The following ASIC2 variants were observed in gnomAD, a reference collection of about 807,000 sequenced individuals.
The protein encoded by ASIC2 is acid sensing ion channel subunit 2.
A neutral mutation model predicts 57.3 loss-of-function variants in ASIC2; 25 were observed. The ratio of observed to expected loss-of-function variants is 0.44; its 90% CI spans 0.32 to 0.61. ASIC2 has a LOEUF of 0.61. Ranked by LOEUF, ASIC2 falls within the 20% of genes least tolerant of loss-of-function variation. The pLI, the probability that ASIC2 is intolerant of heterozygous loss-of-function variation, is 0.06. For missense variants in ASIC2, 641 were observed against 738.1 expected, an observed-to-expected ratio of 0.87 and a Z score of 1.52; for synonymous variants, 319 against 307.5, an observed-to-expected ratio of 1.04 and a Z score of -0.39.
chr17:33,334,669 G>A (rs1245193945), intron 1 of ASIC2, among the ~76,000 whole-genome samples: 1 of 152,212 alleles, frequency 6.6e-6, no homozygotes, highest in African/African-American at 2.4e-5. Context: ...CAATTGGTCA[G>A]GGTTATTTAG....
At chr17:33,081,662 C>A (rs1328047391) in intron 3 of ASIC2, among the ~76,000 whole-genome samples, 1 of 152,104 alleles carries the variant, frequency 6.6e-6, no homozygotes, top group Non-Finnish European at 1.5e-5. Flanking sequence ...AATGAGTCTT[C>A]CCTTTTGAAA....
rs1488551237 is a variant in ASIC2 at position 33,111,997 on chromosome 17, A to G, written c.779T>C (p.Val260Ala). 6.2e-7 allele frequency: 1 copy of G among 1,613,884 alleles called. No individual in the cohort carries two copies. The highest frequency in any genetic ancestry group is 1.1e-5 in the South Asian group (1 of 91,046). ...CAGCCCGTTGCCTGTCCCCCCCTTG[A>G]CCGTGGTGAGCAGAGGTTTGCCATC... ...GEDGKPLLTTVKGGTGNGLEI... is the reference protein window; with the variant it reads ...GEDGKPLLTTAKGGTGNGLEI... Residue 260 changes from valine to alanine, a missense_variant, in exon 2 of 10, where the codon GTC (valine) becomes GCC (alanine). Coordinates refer to ENST00000225823, the MANE Select transcript of ASIC2 (RefSeq NM_183377.2).
At chr17:33,777,376 T>C (rs1292242322) in intron 1 of ASIC2, among the ~76,000 whole-genome samples, 2 of 152,172 alleles carry the variant, frequency 1.3e-5, no homozygotes, top group African/African-American at 4.8e-5. Context: ...TCATGATGGG[T>C]CATGATGAAG....
chr17:33,838,009 G>A (rs1407247477), intron 1 of ASIC2, among the ~76,000 whole-genome samples: 1 of 152,100 alleles, frequency 6.6e-6, no homozygotes, highest in African/African-American at 2.4e-5. Context: ...ACTTCATGCT[G>A]ATTTACCTGT....
At position 33,882,421 on chromosome 17, in the gene ASIC2, A is replaced by G. The variant is rs1305852453; in HGVS notation, c.555+273557T>C. On this transcript the variant is annotated intron_variant, in intron 1 of 9. Coordinates refer to the ASIC2 transcript ENST00000359872. ...ACTCAAACAAATTTACAAGAAAAAA[A>G]CAAACAACCCCATCAAAAAGTGGGC... Among the ~76,000 whole-genome samples, 6 of 152,298 alleles carry G rather than the reference A, an allele frequency of 3.9e-5. No homozygotes were observed. In the East Asian group the frequency reaches 1.2e-3, roughly 29 times the overall value.
chr17:33,949,951 C>T (rs547575489), intron 1 of ASIC2, among the ~76,000 whole-genome samples: 23 of 152,296 alleles, frequency 1.5e-4, no homozygotes, highest in South Asian at 4.1e-4. Context: ...TGTCCACTTT[C>T]GAATCCTGGT....
intron 1 of ASIC2, among the ~76,000 whole-genome samples, chr17:33,211,269 A>G (rs1009022381): frequency 6.6e-6 from 1 of 152,174 alleles, no homozygotes; most frequent in Non-Finnish European, 1.5e-5. Context: ...CCCAGCTTGC[A>G]TAAGCTCAGG....
chr17:33,690,754 T>G (rs1908338762), intron 1 of ASIC2, among the ~76,000 whole-genome samples: 1 of 140,756 alleles, frequency 7.1e-6, no homozygotes, highest in Non-Finnish European at 1.5e-5. Context: ...TTTTTTTTTT[T>G]TTTTTTTTTT....
At chr17:33,464,526 T>TC (rs1912774471) in intron 1 of ASIC2, among the ~76,000 whole-genome samples, 3 of 39,146 alleles carry the variant, frequency 7.7e-5, no homozygotes, top group African/African-American at 3.0e-4. Context: ...CTTTCTTTCT[T>TC]TCTTTCTTTC....
intron 1 of ASIC2, among the ~76,000 whole-genome samples, chr17:33,830,851 C>T (rs2141900333): frequency 6.6e-6 from 1 of 151,994 alleles, no homozygotes; most frequent in South Asian, 2.1e-4. Flanking sequence ...TGGCTCAGGC[C>T]TATAATCCCA....
At position 34,038,479 on chromosome 17, in the gene ASIC2, G is replaced by A. The variant is rs1035824399; in HGVS notation, c.555+117499C>T. ...TTAACTGGTGAATTTTCACAGCTACGTATCTTTGCTCTGTTAGATCAAATG... is the reference window on the plus strand; with the variant it reads ...TTAACTGGTGAATTTTCACAGCTACATATCTTTGCTCTGTTAGATCAAATG... On this transcript the variant is annotated intron_variant, in intron 1 of 9. Transcript: ENST00000359872. 6.8e-6 allele frequency: 11 copies of A among 1,611,934 alleles called. No homozygotes were observed. In the African/African-American group the frequency reaches 1.1e-4, roughly 16 times the overall value.
At chr17:33,212,820 A>G (rs1432337156) in intron 1 of ASIC2, among the ~76,000 whole-genome samples, 3 of 152,176 alleles carry the variant, frequency 2.0e-5, no homozygotes, top group Non-Finnish European at 2.9e-5. Flanking sequence ...TATAATTAGG[A>G]CAAGCATTCC....
intron 1 of ASIC2, among the ~76,000 whole-genome samples, chr17:33,170,893 CA>C (rs1905492242): frequency 6.6e-6 from 1 of 152,212 alleles, no homozygotes; most frequent in African/African-American, 2.4e-5. Context: ...CAGCCCTGAT[CA>C]ATTGGAATTT....
chr17:33,547,661 C>T (rs1023450773), intron 1 of ASIC2, among the ~76,000 whole-genome samples: 1 of 152,160 alleles, frequency 6.6e-6, no homozygotes, highest in Non-Finnish European at 1.5e-5. Context: ...GTAATGAGGA[C>T]TTTTGGCCTC....
intron 1 of ASIC2, among the ~76,000 whole-genome samples, chr17:33,830,039 A>G (rs1913055986): frequency 6.6e-6 from 1 of 152,228 alleles, no homozygotes; most frequent in Non-Finnish European, 1.5e-5. Flanking sequence ...TTCAACAAAG[A>G]GGATTTCACC....
chr17:33,428,503 A>G (rs897225811), intron 1 of ASIC2, among the ~76,000 whole-genome samples: 1 of 152,174 alleles, frequency 6.6e-6, no homozygotes, highest in Non-Finnish European at 1.5e-5. Flanking sequence ...CCTAGTGTGG[A>G]TCAGAGCCCA....
chr17:33,482,159 G>T (rs1913428115), intron 1 of ASIC2, among the ~76,000 whole-genome samples: 5 of 152,144 alleles, frequency 3.3e-5, no homozygotes, highest in Admixed American at 2.6e-4. Flanking sequence ...TGAACCCTCT[G>T]CCATGACTGT....
intron 1 of ASIC2, among the ~76,000 whole-genome samples, chr17:33,281,376 T>C (rs1424712998): frequency 6.6e-6 from 1 of 152,214 alleles, no homozygotes; most frequent in Non-Finnish European, 1.5e-5. Context: ...ATGATAAGGA[T>C]GATGAAGATA....
At chr17:33,917,915 G>A (rs570302740) in intron 1 of ASIC2, among the ~76,000 whole-genome samples, 1 of 127,632 alleles carries the variant, frequency 7.8e-6, no homozygotes, top group Non-Finnish European at 1.7e-5. Flanking sequence ...CACACACACA[G>A]GTACTGAATA....
Sources: gnomAD v4.1 joint callset for allele counts (sites outside exome capture counted in the v4.1 genomes callset) on GRCh38, gnomAD v4.1.1 for gene constraint, MANE v1.5 for transcripts, NCBI Gene and HGNC (gene_info 2026-07-23, HGNC 2026-07-21) for gene names.